SMPD4: variants seen among roughly 807,000 people sequenced by gnomAD.
SMPD4 encodes sphingomyelin phosphodiesterase 4.
Under a neutral mutation model 97.8 loss-of-function variants are expected in SMPD4, and 58 were observed. That is an observed-to-expected ratio of 0.59 (90% CI 0.48 to 0.74). SMPD4 has a LOEUF of 0.74. SMPD4 is among the 30% of genes least tolerant of loss of function. SMPD4 has a pLI of 0.00. For missense variants in SMPD4, 853 were observed against 1,080.5 expected (o/e 0.79, Z 2.95); for synonymous variants, 388 against 450.0 (o/e 0.86, Z 1.74).
intron 1 of SMPD4, 111 bp from the exon 2 acceptor site, chr2:130,176,748 C>T: frequency 1.2e-6 from 1 of 823,260 alleles, no homozygotes; most frequent in Non-Finnish European, 1.9e-6. Flanking sequence ...CATGCAGCAG[C>T]ACGATCATAG....
chr2:130,173,473 G>A (rs1688669242), intron 4 of SMPD4, 41 bp downstream of exon 4: 1 of 1,586,992 alleles, frequency 6.3e-7, no homozygotes, highest in African/African-American at 1.3e-5. Flanking sequence ...GAATCACCAT[G>A]AGGAATCACC....
Position 130,152,708 on chromosome 2 carries a change from G to T in SMPD4, c.2331C>A (p.Tyr777Ter), listed in dbSNP as rs772305155. The change falls in exon 20 of 20, where the codon TAC becomes TAA. Residue 777 changes from tyrosine (Y) to a stop codon, truncating the protein, a stop_gained. Transcript: ENST00000680298. LOFTEE classifies it high-confidence loss of function. The stretch of plus-strand genomic sequence containing the variant: ...CCAGCAGCAGCGAGACCAGCGTCCG[G>T]TAACTGCCCAGGAAGCGCAGGCTGA... ...PRLSLRFLGS[Y>*]RTLVSLLLAF... is the part of the protein sequence containing the mutation. The T allele has an allele frequency of 5.7e-6, 9 of 1,578,780 alleles. No homozygotes were observed. The highest frequency in any genetic ancestry group is 6.9e-6 in the Non-Finnish European group (8 of 1,163,632).
In SMPD4 at chr2:130,157,479, C is replaced by T. The variant is rs190205752; in HGVS notation, c.952-83G>A. 2.5e-6 allele frequency: 4 copies of T among 1,573,912 alleles called. No individual in the cohort carries two copies. The East Asian group carries it at 6.9e-5, about 27-fold the overall frequency. On this transcript the variant is annotated intron_variant, in intron 11 of 19. Coordinates refer to ENST00000680298, the MANE Select transcript of SMPD4 (RefSeq NM_017951.5). ...GCCTCCAGGTCTGACCACATCCCGCCCTGAGCCAGTTGCTCTGCTGCCCCC... is the reference window on the plus strand; with the variant it reads ...GCCTCCAGGTCTGACCACATCCCGCTCTGAGCCAGTTGCTCTGCTGCCCCC...
At chr2:130,171,137 T>C (rs1688423047) in intron 8 of SMPD4, among the ~76,000 whole-genome samples, 1 of 148,816 alleles carries the variant, frequency 6.7e-6, no homozygotes, top group Admixed American at 6.7e-5. Flanking sequence ...TTTCTTTTCT[T>C]TTTTTTTTTT....
At chr2:130,170,575 G>A (rs1378842101) in intron 8 of SMPD4, among the ~76,000 whole-genome samples, 1 of 151,796 alleles carries the variant, frequency 6.6e-6, no homozygotes, top group Non-Finnish European at 1.5e-5. Context: ...AGAGCAGCCT[G>A]GGCAACATAG....
chr2:130,172,273 T>C lies in SMPD4; in HGVS notation c.659+76A>G, dbSNP rs959380964. ...GAACCGTGGACAAAGGGTGGCAACATTGTCCCCGTGGGCGATGCAAGTGAC... is the reference window on the plus strand; with the variant it reads ...GAACCGTGGACAAAGGGTGGCAACACTGTCCCCGTGGGCGATGCAAGTGAC... On this transcript the variant is annotated intron_variant, in intron 8 of 19. Transcript: ENST00000680298. 803 of 1,431,540 alleles carry C rather than the reference T, an allele frequency of 5.6e-4. 3 individuals are homozygous for C. The highest frequency in any genetic ancestry group is 2.4e-4 in the Non-Finnish European group (262 of 1,074,212). 88.7% of individuals were successfully genotyped at this position (1,431,540 alleles called of 1,614,324 possible). A position where few individuals can be genotyped will look rare whatever the true frequency, so the allele number is the denominator to read the frequency against.
At chr2:130,172,718 C>G in intron 6 of SMPD4, 41 bp from the exon 7 acceptor site, 1 of 1,613,948 alleles carries the variant, frequency 6.2e-7, no homozygotes, top group Non-Finnish European at 8.5e-7. Context: ...GGTTGATGAG[C>G]CACCCCCCGC....
intron 17 of SMPD4, 111 bp downstream of exon 17, chr2:130,153,591 T>C: frequency 6.4e-7 from 1 of 1,553,716 alleles, no homozygotes; most frequent in South Asian, 1.2e-5. Context: ...CAACACTGGG[T>C]CCATATGTGT....
chr2:130,167,937 T>C (rs930989556), intron 8 of SMPD4, among the ~76,000 whole-genome samples: 27 of 152,116 alleles, frequency 1.8e-4, no homozygotes, highest in Non-Finnish European at 1.0e-4. Context: ...CCTGTGAGCA[T>C]GGGGGCTCAC....
intron 1 of SMPD4, among the ~76,000 whole-genome samples, chr2:130,179,656 C>T (rs1215130474): frequency 2.6e-5 from 4 of 151,210 alleles, no homozygotes; most frequent in Admixed American, 2.6e-4. Context: ...AAAGTGCCGA[C>T]TTTTTCAATT....
intron 10 of SMPD4, among the ~76,000 whole-genome samples, chr2:130,161,915 C>T (rs1373896800): frequency 2.6e-5 from 4 of 152,198 alleles, no homozygotes; most frequent in African/African-American, 9.7e-5. Context: ...TCCTATGTGT[C>T]TAAAACTCAA....
intron 10 of SMPD4, among the ~76,000 whole-genome samples, chr2:130,162,126 C>T (rs1687484988): frequency 6.6e-6 from 1 of 152,262 alleles, no homozygotes; most frequent in African/African-American, 2.4e-5. Context: ...AAACTCCCAC[C>T]CTCCAGATAC....
intron 3 of SMPD4, among the ~76,000 whole-genome samples, chr2:130,174,105 C>T (rs7601693): frequency 0.45 from 68,050 of 152,076 alleles, 16,060 homozygotes; most frequent in African/African-American, 0.6. Context: ...ACTGCAGCCT[C>T]GACTTCCTGG....
chr2:130,155,945 A>C, intron 14 of SMPD4, 90 bp downstream of exon 14: 1 of 1,363,740 alleles, frequency 7.3e-7, no homozygotes, highest in Non-Finnish European at 1.0e-6. Context: ...GGCTGACCCC[A>C]GCACAGGCCG....
Position 130,175,709 on chromosome 2 carries a change from T to C in SMPD4, c.40-709A>G, listed in dbSNP as rs115789259. On this transcript the variant is annotated intron_variant, in intron 2 of 19. Transcript: ENST00000680298. ...AGGAGAAAAAGGGCATCTGTGCGAATGGATTAAGATCAGGAGAAACGGCTA... is the reference window on the plus strand; with the variant it reads ...AGGAGAAAAAGGGCATCTGTGCGAACGGATTAAGATCAGGAGAAACGGCTA... Among the ~76,000 whole-genome samples, 759 of 152,316 alleles carry C rather than the reference T, an allele frequency of 5.0e-3. 6 individuals are homozygous for C. Among genetic ancestry groups the C allele is most frequent in the African/African-American group, 0.017 (715 of 41,554 alleles).
intron 8 of SMPD4, among the ~76,000 whole-genome samples, chr2:130,169,786 A>G (rs1252042786): frequency 1.3e-5 from 2 of 152,140 alleles, no homozygotes; most frequent in Non-Finnish European, 2.9e-5. Context: ...TCCTGGCCTC[A>G]AGTGATCCTC....
chr2:130,154,171 T>A lies in SMPD4; in HGVS notation c.1659+106A>T, dbSNP rs992725989. ...CGGGGGAAGGAGATATGGCGTCAAA[T>A]CTATACCCAGCCTCCCTCCTTCCTG... On this transcript the variant is annotated intron_variant, in intron 16 of 19. Transcript: ENST00000680298. The A allele has an allele frequency of 1.0e-5, 14 of 1,360,310 alleles. No homozygotes were observed. The African/African-American group carries it at 1.6e-4, about 16-fold the overall frequency. The allele number at this position is 1,360,310 out of a possible 1,614,324, so 84.3% of individuals were successfully genotyped here.
chr2:130,181,409 C>G, intron 1 of SMPD4, 121 bp downstream of exon 1: 1 of 1,488,194 alleles, frequency 6.7e-7, no homozygotes, highest in Non-Finnish European at 8.9e-7. Flanking sequence ...CCTGCCTGGG[C>G]AGAGCCGGCT....
At chr2:130,169,327 G>A (rs1334361095) in intron 8 of SMPD4, among the ~76,000 whole-genome samples, 2 of 152,204 alleles carry the variant, frequency 1.3e-5, no homozygotes, top group Non-Finnish European at 1.5e-5. Flanking sequence ...TGCACACAGT[G>A]TGAGGCCTGG....
Sources: allele counts gnomAD v4.1 joint callset (sites outside exome capture counted in the v4.1 genomes callset), GRCh38; gene constraint gnomAD v4.1.1; transcripts MANE v1.5; gene names NCBI Gene and HGNC (gene_info 2026-07-23, HGNC 2026-07-21).